The following BCAR3 variants were observed in gnomAD, a reference collection of about 807,000 sequenced individuals.
BCAR3 encodes breast cancer anti-estrogen resistance protein 3.
Under a neutral mutation model 80.1 loss-of-function variants are expected in BCAR3, and 37 were observed. That is an observed-to-expected ratio of 0.46 (90% CI 0.36 to 0.61). The LOEUF (loss-of-function observed/expected upper bound fraction) is 0.61, where lower values mean the gene tolerates loss of function less well. Among genes scored for constraint, BCAR3 ranks in the 20% least tolerant of loss-of-function variants. BCAR3 has a pLI of 0.00. For missense variants in BCAR3, 978 were observed against 1,068.2 expected (o/e 0.92, Z 1.18); for synonymous variants, 389 against 418.9 (o/e 0.93, Z 0.87).
At chr1:93,726,392 T>C (rs1476985492) in intron 2 of BCAR3, among the ~76,000 whole-genome samples, 1 of 152,138 alleles carries the variant, frequency 6.6e-6, no homozygotes, top group Non-Finnish European at 1.5e-5. Flanking sequence ...TTCTTAATAC[T>C]TTACAGCCCA....
At chr1:93,591,001 A>G (rs1047628745) in intron 4 of BCAR3, among the ~76,000 whole-genome samples, 3 of 152,110 alleles carry the variant, frequency 2.0e-5, no homozygotes, top group African/African-American at 7.2e-5. Context: ...TATGTACACA[A>G]AAGTATTCAT....
At chr1:93,798,154 G>A (rs371095583) in intron 2 of BCAR3, among the ~76,000 whole-genome samples, 4 of 152,160 alleles carry the variant, frequency 2.6e-5, no homozygotes, top group Admixed American at 1.3e-4. Context: ...CTGTAATATA[G>A]GAAATTGATA....
intron 9 of BCAR3, chr1:93,568,143 G>GCA: frequency 4.2e-5 from 11 of 261,204 alleles, no homozygotes; most frequent in Non-Finnish European, 7.5e-5. Flanking sequence ...CCAAGATCAT[G>GCA]CCACTGCACT....
At chr1:93,660,761 C>G (rs1571018254) in intron 2 of BCAR3, among the ~76,000 whole-genome samples, 1 of 152,250 alleles carries the variant, frequency 6.6e-6, no homozygotes, top group East Asian at 1.9e-4. Context: ...GTTGCCCAGC[C>G]CAGAGTGCAA....
chr1:93,707,543 C>T (rs2101977345), intron 2 of BCAR3, among the ~76,000 whole-genome samples: 1 of 152,044 alleles, frequency 6.6e-6, no homozygotes, highest in East Asian at 1.9e-4. Context: ...AACCTCATCT[C>T]TAAAAATACA....
intron 2 of BCAR3, among the ~76,000 whole-genome samples, chr1:93,826,844 G>A (rs1274046498): frequency 6.6e-6 from 1 of 152,128 alleles, no homozygotes; most frequent in Non-Finnish European, 1.5e-5. Flanking sequence ...GTGTATAAAT[G>A]CCTATGTGTA....
chr1:93,735,931 T>G (rs1000315993), intron 2 of BCAR3, among the ~76,000 whole-genome samples: 1 of 152,148 alleles, frequency 6.6e-6, no homozygotes, highest in African/African-American at 2.4e-5. Context: ...GAGGGTTGTA[T>G]CTATGAGTGG....
chr1:93,694,193 G>A (rs938637582), intron 3 of BCAR3, among the ~76,000 whole-genome samples: 3 of 152,224 alleles, frequency 2.0e-5, no homozygotes, highest in Non-Finnish European at 4.4e-5. Flanking sequence ...TGCTCACAGA[G>A]CACAGGGTGG....
intron 2 of BCAR3, among the ~76,000 whole-genome samples, chr1:93,768,975 C>T (rs1230115289): frequency 6.6e-6 from 1 of 152,216 alleles, no homozygotes; most frequent in Admixed American, 6.5e-5. Context: ...GGACAGCAGG[C>T]TTCAAGACCT....
intron 2 of BCAR3, among the ~76,000 whole-genome samples, chr1:93,647,630 A>G (rs1676181799): frequency 6.6e-6 from 1 of 152,180 alleles, no homozygotes; most frequent in Non-Finnish European, 1.5e-5. Context: ...CTCTGCTTCC[A>G]AAGAGACCCT....
rs1291328703 is a variant in BCAR3 at position 93,589,066 on chromosome 1, C to T, written c.840G>A (p.Lys280=). 3.1e-6 allele frequency: 5 copies of T among 1,612,344 alleles called. No homozygotes were observed. The highest frequency in any genetic ancestry group is 4.2e-6 in the Non-Finnish European group (5 of 1,178,988). Residue 280 remains lysine (K), a synonymous_variant, in exon 5 of 12, where the codon AAG becomes AAA. Coordinates refer to ENST00000260502, the MANE Select transcript of BCAR3 (RefSeq NM_003567.4). ...GCCTCTTGGCCACATCCGGCCTTCC[C>T]TTGGTGAGGCTGCCCTCCCGGGCCT... ...PGQAREGSLT[K]GRPDVAKRLS...
intron 3 of BCAR3, among the ~76,000 whole-genome samples, chr1:93,626,529 T>C (rs576945793): frequency 9.9e-5 from 15 of 152,280 alleles, no homozygotes; most frequent in Middle Eastern, 3.4e-3. Context: ...GAGACATTTT[T>C]TGCCTGTTTC....
intron 2 of BCAR3, among the ~76,000 whole-genome samples, chr1:93,819,349 C>A (rs918349858): frequency 1.3e-5 from 2 of 152,366 alleles, no homozygotes; most frequent in Middle Eastern, 3.4e-3. Context: ...CAGGTGTGAA[C>A]CCCCACGCCC....
chr1:93,623,647 T>A (rs1000930794), intron 3 of BCAR3, among the ~76,000 whole-genome samples: 2 of 152,150 alleles, frequency 1.3e-5, no homozygotes, highest in Non-Finnish European at 2.9e-5. Context: ...CTAAAAATGT[T>A]TTCCTTCCCA....
intron 3 of BCAR3, among the ~76,000 whole-genome samples, chr1:93,598,070 C>T (rs3767976): frequency 0.23 from 34,845 of 152,110 alleles, 4,253 homozygotes; most frequent in African/African-American, 0.32. Context: ...GGTCTGCAGA[C>T]GTGCTGGGAA....
chr1:93,700,509 C>T (rs1557659283), intron 3 of BCAR3, among the ~76,000 whole-genome samples: 1 of 152,214 alleles, frequency 6.6e-6, no homozygotes, highest in African/African-American at 2.4e-5. Context: ...ATGCCACTGG[C>T]AGACATCTGC....
chr1:93,741,855 G>A (rs373626097), intron 2 of BCAR3, among the ~76,000 whole-genome samples: 11 of 152,328 alleles, frequency 7.2e-5, no homozygotes, highest in African/African-American at 2.6e-4. Flanking sequence ...ATAGGCATGA[G>A]CCATCACTCC....
At chr1:93,656,031 T>G (rs1219968991) in intron 2 of BCAR3, among the ~76,000 whole-genome samples, 2 of 152,220 alleles carry the variant, frequency 1.3e-5, no homozygotes, top group Non-Finnish European at 1.5e-5. Context: ...GTATTCACCC[T>G]TGTTCTTAAT....
At chr1:93,788,719 G>C (rs533845033) in intron 2 of BCAR3, among the ~76,000 whole-genome samples, 2 of 152,026 alleles carry the variant, frequency 1.3e-5, no homozygotes, top group Non-Finnish European at 2.9e-5. Flanking sequence ...AGCCTCTTCT[G>C]GCTGGCAGAG....
Sources: gnomAD v4.1 joint callset for allele counts (sites outside exome capture counted in the v4.1 genomes callset) on GRCh38, gnomAD v4.1.1 for gene constraint, MANE v1.5 for transcripts, NCBI Gene and HGNC (gene_info 2026-07-23, HGNC 2026-07-21) for gene names.